Variants in MAL2 observed in about 807,000 individuals in gnomAD.
The protein encoded by MAL2 is protein MAL2.
MAL2 carries 17 observed loss-of-function variants against 18.1 expected under a neutral mutation model. The ratio of observed to expected loss-of-function variants is 0.94; its 90% CI spans 0.64 to 1.41. The LOEUF (loss-of-function observed/expected upper bound fraction) is 1.41, where lower values mean the gene tolerates loss of function less well. Ranked by LOEUF, MAL2 falls within the 40% of genes most tolerant of loss-of-function variation. The probability of loss-of-function intolerance (pLI) is 0.00; values close to 1 mark genes in which losing one functional copy is unlikely to be tolerated. For missense variants in MAL2, 222 were observed against 231.9 expected (o/e 0.96, Z 0.28); for synonymous variants, 102 against 102.3 (o/e 1.00, Z 0.02).
chr8:119,237,109 C>T (rs2129902457), intron 2 of MAL2, among the ~76,000 whole-genome samples: 1 of 152,290 alleles, frequency 6.6e-6, no homozygotes, highest in East Asian at 1.9e-4. Context: ...AAGGGGATAT[C>T]AGCACCGATC....
chr8:119,234,018 G>A (rs913706649), intron 2 of MAL2, among the ~76,000 whole-genome samples: 5 of 152,094 alleles, frequency 3.3e-5, no homozygotes, highest in Non-Finnish European at 5.9e-5. Context: ...CGCAGAAGAC[G>A]GATGATTTCT....
At chr8:119,228,666 A>G (rs1817646597) in intron 2 of MAL2, among the ~76,000 whole-genome samples, 1 of 152,156 alleles carries the variant, frequency 6.6e-6, no homozygotes, top group Non-Finnish European at 1.5e-5. Flanking sequence ...TTCCTTGATC[A>G]GAGACTGAGT....
At chr8:119,231,020 CAGTTTTTTTTTT>C (rs1376441380) in intron 2 of MAL2, among the ~76,000 whole-genome samples, 1 of 151,118 alleles carries the variant, frequency 6.6e-6, no homozygotes, top group Non-Finnish European at 1.5e-5. Context: ...GATGTGAGAA[CAGTTTTTTTTTT>C]TATTTTTTGT....
intron 2 of MAL2, among the ~76,000 whole-genome samples, chr8:119,230,441 G>T (rs559900396): frequency 3.3e-5 from 5 of 152,086 alleles, no homozygotes; most frequent in South Asian, 2.1e-4. Flanking sequence ...GGCAGGATTG[G>T]GGGGGCGGGA....
At chr8:119,228,653 G>A (rs1432189092) in intron 2 of MAL2, among the ~76,000 whole-genome samples, 2 of 152,086 alleles carry the variant, frequency 1.3e-5, no homozygotes, top group African/African-American at 4.8e-5. Flanking sequence ...GTTGAGAAGT[G>A]GTTTCCTTGA....
chr8:119,237,852 G>A (rs1162350607), intron 2 of MAL2, among the ~76,000 whole-genome samples: 1 of 152,064 alleles, frequency 6.6e-6, no homozygotes, highest in Non-Finnish European at 1.5e-5. Context: ...GGCAAAAACT[G>A]GAAGCATTCC....
intron 1 of MAL2, among the ~76,000 whole-genome samples, chr8:119,216,301 G>A (rs1342392111): frequency 6.6e-6 from 1 of 152,142 alleles, no homozygotes; most frequent in Non-Finnish European, 1.5e-5. Flanking sequence ...CATGAGAGGG[G>A]CAGAATAGCA....
intron 2 of MAL2, among the ~76,000 whole-genome samples, chr8:119,236,324 G>A (rs1419618144): frequency 6.7e-6 from 1 of 148,372 alleles, no homozygotes; most frequent in Non-Finnish European, 1.5e-5. Context: ...AAGAGACTTA[G>A]ACTCCCACAC....
chr8:119,231,652 A>C (rs1444620122), intron 2 of MAL2, among the ~76,000 whole-genome samples: 3 of 152,194 alleles, frequency 2.0e-5, no homozygotes, highest in Non-Finnish European at 4.4e-5. Flanking sequence ...TTTTCAATAC[A>C]CCATTATTCA....
At chr8:119,226,148 T>A (rs543320793) in intron 2 of MAL2, among the ~76,000 whole-genome samples, 78 of 152,308 alleles carry the variant, frequency 5.1e-4, no homozygotes, top group African/African-American at 1.8e-3. Context: ...TTTAATTAGA[T>A]CCCATTTGTC....
chr8:119,212,715 T>G (rs1427433088), intron 1 of MAL2, among the ~76,000 whole-genome samples: 1 of 152,104 alleles, frequency 6.6e-6, no homozygotes, highest in Non-Finnish European at 1.5e-5. Context: ...CCATGGTTCA[T>G]TAGAAAATGG....
At position 119,245,063 on chromosome 8, in the gene MAL2, C is replaced by G. The variant is rs1011705019; in HGVS notation, c.*1575C>G. ...CAAGTGTTACTTATCTAATAATCCT[C>G]TAGAAAGAACCCTGTTAGATCTTGG... On this transcript the variant is annotated 3_prime_UTR_variant, in exon 4 of 4. Transcript: ENST00000614891. The G allele has an allele frequency of 4.6e-5, 7 of 152,476 alleles. No homozygotes were observed. Among genetic ancestry groups the G allele is most frequent in the Non-Finnish European group, 1.0e-4 (7 of 68,022 alleles). 9.4% of individuals were successfully genotyped at this position (152,476 alleles called of 1,614,324 possible).
chr8:119,208,545 C>T lies in MAL2; in HGVS notation c.73C>T (p.Leu25=), dbSNP rs1178701630. 2 of 1,400,806 alleles carry T rather than the reference C, an allele frequency of 1.4e-6. No homozygotes were observed. The highest frequency in any genetic ancestry group is 3.1e-5 in the East Asian group (1 of 32,768). 86.8% of individuals were successfully genotyped at this position (1,400,806 alleles called of 1,614,324 possible). ...AVSFPPPRVT[L]PAGPDILRTY... is the part of the protein sequence containing the mutation. Reference sequence around the variant, plus strand: ...GTCCTTCCCGCCGCCCCGGGTCACCCTGCCCGCCGGCCCCGACATCCTGCG... The same window carrying T: ...GTCCTTCCCGCCGCCCCGGGTCACCTTGCCCGCCGGCCCCGACATCCTGCG... The change falls in exon 1 of 4, where the codon CTG becomes TTG. Residue 25 remains leucine, a synonymous_variant. Transcript: ENST00000614891. This position sits in a 1 kb window ranked among gnomAD's most constrained non-coding sequence, Gnocchi z 4.3.
Position 119,208,788 on chromosome 8 carries a change from G to C in MAL2, c.132+184G>C. ...GCCGCCGCCCGGGCCCTCCCTCCTA[G>C]CACCTGTTACGCGGGCACCTGCTCC... On this transcript the variant is annotated intron_variant, in intron 1 of 3. Transcript: ENST00000614891. This position sits in a 1 kb window ranked among gnomAD's most constrained non-coding sequence, Gnocchi z 4.3. 1.0e-6 allele frequency: 1 copy of C among 975,016 alleles called. No homozygotes were observed. Among genetic ancestry groups the C allele is most frequent in the African/African-American group, 1.7e-5 (1 of 59,134 alleles). The allele number at this position is 975,016 out of a possible 1,614,324, so 60.4% of individuals were successfully genotyped here.
chr8:119,234,264 G>A lies in MAL2; in HGVS notation c.304-5901G>A, dbSNP rs563134015. 5.3e-5 allele frequency among the ~76,000 whole-genome samples: 8 copies of A among 152,200 alleles called. No individual in the cohort carries two copies. The East Asian group carries it at 5.8e-4, about 11-fold the overall frequency. On this transcript the variant is annotated intron_variant, in intron 2 of 3. Transcript: ENST00000614891. ...CACTTTTCAGACCGGCTTAAAAAACGGCGCACCACGAGATTGTATCCCACA... is the reference window on the plus strand; with the variant it reads ...CACTTTTCAGACCGGCTTAAAAAACAGCGCACCACGAGATTGTATCCCACA...
At chr8:119,242,662 A>G (rs901232733) in intron 3 of MAL2, among the ~76,000 whole-genome samples, 7 of 152,220 alleles carry the variant, frequency 4.6e-5, no homozygotes, top group African/African-American at 1.7e-4. Flanking sequence ...AATGGTCTAT[A>G]GGTGAATCTG....
chr8:119,238,106 A>C (rs1817953477), intron 2 of MAL2, among the ~76,000 whole-genome samples: 1 of 152,252 alleles, frequency 6.6e-6, no homozygotes, highest in South Asian at 2.1e-4. Context: ...TACAAAACCA[A>C]TGTACAAAAA....
rs1159934890 is a variant in MAL2 at position 119,244,919 on chromosome 8, T to C, written c.*1431T>C. On this transcript the variant is annotated 3_prime_UTR_variant, in exon 4 of 4. Transcript: ENST00000614891. ...GAGGGCTTTTGTATTGTTCTACTTT[T>C]TCAGCCCTTTACTTTCTGGCTGAAG... The C allele has an allele frequency of 2.6e-5, 4 of 152,594 alleles. No homozygotes were observed. The highest frequency in any genetic ancestry group is 4.4e-5 in the Non-Finnish European group (3 of 68,038). 9.5% of individuals were successfully genotyped at this position (152,594 alleles called of 1,614,324 possible).
At chr8:119,233,856 G>A (rs180763830) in intron 2 of MAL2, among the ~76,000 whole-genome samples, 59 of 152,010 alleles carry the variant, frequency 3.9e-4, no homozygotes, top group African/African-American at 1.2e-3. Context: ...TACCAAAGCC[G>A]GGAAGAGACA....
Sources: allele counts gnomAD v4.1 joint callset (sites outside exome capture counted in the v4.1 genomes callset), GRCh38; gene constraint gnomAD v4.1.1; non-coding constraint Gnocchi (gnomAD v3.1); transcripts MANE v1.5; gene names NCBI Gene and HGNC (gene_info 2026-07-23, HGNC 2026-07-21).